The following RNF217 variants were observed in gnomAD, a reference collection of about 807,000 sequenced individuals.
The protein encoded by RNF217 is ring finger protein 217.
RNF217 carries 31 observed loss-of-function variants against 57.8 expected under a neutral mutation model. The observed-to-expected ratio is 0.54, with a 90% CI of 0.40 to 0.72. The LOEUF (loss-of-function observed/expected upper bound fraction) is 0.72, where lower values mean the gene tolerates loss of function less well. Among genes scored for constraint, RNF217 ranks in the 30% least tolerant of loss-of-function variants. The probability of loss-of-function intolerance (pLI) is 0.00; values close to 1 mark genes in which losing one functional copy is unlikely to be tolerated. For missense variants in RNF217, 696 were observed against 708.3 expected, an observed-to-expected ratio of 0.98 and a Z score of 0.20; for synonymous variants, 313 against 294.0, an observed-to-expected ratio of 1.06 and a Z score of -0.66.
chr6:124,979,507 C>T (rs6899594), intron 1 of RNF217, among the ~76,000 whole-genome samples: 49 of 152,200 alleles, frequency 3.2e-4, no homozygotes, highest in African/African-American at 1.1e-3. Context: ...ACCAGCGTGG[C>T]GCAGAGCACC....
chr6:124,974,827 A>C (rs932856646), intron 1 of RNF217, among the ~76,000 whole-genome samples: 1 of 152,156 alleles, frequency 6.6e-6, no homozygotes, highest in South Asian at 2.1e-4. Context: ...GGGTGATGTT[A>C]TCGTGTGATT....
rs142886733 is a variant in RNF217, at chr6:125,032,982, G to A, written c.883-12229G>A. On this transcript the variant is annotated intron_variant, in intron 1 of 5. Transcript: ENST00000521654. ...ATAACTCTTTCCAAATTACACGTGAGTGTGGTTTTATTGTACTTTTCCCTG... is the reference window on the plus strand; with the variant it reads ...ATAACTCTTTCCAAATTACACGTGAATGTGGTTTTATTGTACTTTTCCCTG... Among the ~76,000 whole-genome samples, 120 of 152,222 alleles carry A rather than the reference G, an allele frequency of 7.9e-4. No individual in the cohort carries two copies. In the East Asian group the frequency reaches 0.017, roughly 22 times the overall value.
At chr6:124,999,021 A>T (rs927110947) in intron 1 of RNF217, among the ~76,000 whole-genome samples, 29 of 152,212 alleles carry the variant, frequency 1.9e-4, no homozygotes, top group African/African-American at 6.8e-4. Context: ...ATACCTTTAC[A>T]TATAGTATAG....
chr6:125,033,198 T>C (rs79280246), intron 1 of RNF217, among the ~76,000 whole-genome samples: 2 of 143,342 alleles, frequency 1.4e-5, no homozygotes, highest in Admixed American at 1.4e-4. Context: ...TTCTGTGTTC[T>C]TTTTTTTTTT....
chr6:125,021,241 T>C (rs1407879156), intron 1 of RNF217, among the ~76,000 whole-genome samples: 1 of 151,336 alleles, frequency 6.6e-6, no homozygotes, highest in Non-Finnish European at 1.5e-5. Flanking sequence ...GAAACAATGA[T>C]TATAGACAGT....
At chr6:125,021,884 CT>C (rs1785855649) in intron 1 of RNF217, among the ~76,000 whole-genome samples, 1 of 151,908 alleles carries the variant, frequency 6.6e-6, no homozygotes, top group Admixed American at 6.6e-5. Context: ...TTTCCCATGC[CT>C]TCCCCCCTTT....
chr6:125,080,964 A>G lies in RNF217; in HGVS notation c.1484-472A>G, dbSNP rs534078974. 1.4e-3 allele frequency among the ~76,000 whole-genome samples: 210 copies of G among 152,226 alleles called. 3 individuals are homozygous for G. Among genetic ancestry groups the G allele is most frequent in the African/African-American group, 4.8e-3 (200 of 41,552 alleles). ...TTAGTTTTCTTTGGACCCAGGATGTAAATAAACCACTTCTTTAGATGTGGG... is the reference window on the plus strand; with the variant it reads ...TTAGTTTTCTTTGGACCCAGGATGTGAATAAACCACTTCTTTAGATGTGGG... On this transcript the variant is annotated intron_variant, in intron 4 of 5. Transcript: ENST00000521654.
chr6:125,050,630 G>A (rs2114556978), intron 2 of RNF217, among the ~76,000 whole-genome samples: 1 of 152,058 alleles, frequency 6.6e-6, no homozygotes, highest in East Asian at 1.9e-4. Context: ...TCCTGGTAAA[G>A]ATAACTTGAG....
At chr6:124,987,377 G>T (rs981915853) in intron 1 of RNF217, among the ~76,000 whole-genome samples, 1 of 151,906 alleles carries the variant, frequency 6.6e-6, no homozygotes. Context: ...ATCATTCCCT[G>T]CCCTCACCCC....
intron 1 of RNF217, among the ~76,000 whole-genome samples, chr6:124,963,949 T>C (rs2114968796): frequency 6.6e-6 from 1 of 152,366 alleles, no homozygotes; most frequent in African/African-American, 2.4e-5. Flanking sequence ...TCAGTTTCCT[T>C]TTTCCACAGT....
At chr6:125,076,536 A>T (rs1788378799) in intron 3 of RNF217, 121 bp from the exon 4 acceptor site, 3 of 653,736 alleles carry the variant, frequency 4.6e-6, no homozygotes, top group Non-Finnish European at 8.3e-6. Flanking sequence ...CAGCCTCAGG[A>T]GTGCTGTGAG....
At chr6:124,967,297 A>AT (rs1397188302) in intron 1 of RNF217, among the ~76,000 whole-genome samples, 2 of 152,082 alleles carry the variant, frequency 1.3e-5, no homozygotes, top group African/African-American at 2.4e-5. Context: ...CCTTTACCAC[A>AT]TTTTCCTAGG....
At position 124,962,595 on chromosome 6, in the gene RNF217, G is replaced by A. The variant is rs1205452203; in HGVS notation, c.51G>A (p.Ser17=). 15 of 1,293,278 alleles carry A rather than the reference G, an allele frequency of 1.2e-5. No homozygotes were observed. The highest frequency in any genetic ancestry group is 1.4e-5 in the Non-Finnish European group (14 of 1,026,784). The allele number at this position is 1,293,278 out of a possible 1,614,324, so 80.1% of individuals were successfully genotyped here. ...TVSGGGGPQE[S]QTLASGTAGH... ...GCGGCGGCGGCGGGCCCCAGGAGTC[G>A]CAGACCCTGGCCAGTGGCACTGCGG... Residue 17 remains serine, a synonymous_variant, in exon 1 of 6, where the codon TCG becomes TCA. Coordinates refer to ENST00000521654, the MANE Select transcript of RNF217 (RefSeq NM_001286398.3). The surrounding 1 kb of genome is among the most constrained non-coding windows in gnomAD (Gnocchi z 4.6).
chr6:124,973,855 T>C (rs1447190276), intron 1 of RNF217, among the ~76,000 whole-genome samples: 2 of 152,172 alleles, frequency 1.3e-5, no homozygotes, highest in Non-Finnish European at 2.9e-5. Flanking sequence ...GATGATGACA[T>C]TGTGGGTCAG....
chr6:125,050,414 C>A (rs897717319), intron 2 of RNF217, among the ~76,000 whole-genome samples: 2 of 151,924 alleles, frequency 1.3e-5, no homozygotes, highest in African/African-American at 4.8e-5. Flanking sequence ...ATAAAATTCC[C>A]TGGAGAAACT....
At chr6:125,035,043 A>AT (rs1786545197) in intron 1 of RNF217, among the ~76,000 whole-genome samples, 1 of 151,938 alleles carries the variant, frequency 6.6e-6, no homozygotes, top group Admixed American at 6.6e-5. Context: ...TTGTACATTG[A>AT]TTTTGTATCC....
intron 1 of RNF217, among the ~76,000 whole-genome samples, chr6:124,991,032 A>G (rs1330807631): frequency 6.6e-6 from 1 of 152,198 alleles, no homozygotes; most frequent in East Asian, 1.9e-4. Context: ...ACACCACTGC[A>G]AAGCCTGGGT....
At chr6:124,993,596 A>G (rs901109697) in intron 1 of RNF217, among the ~76,000 whole-genome samples, 1 of 152,146 alleles carries the variant, frequency 6.6e-6, no homozygotes, top group Non-Finnish European at 1.5e-5. Flanking sequence ...AAGTCAGGGA[A>G]TTGTAGCCTA....
intron 1 of RNF217, among the ~76,000 whole-genome samples, chr6:125,029,298 A>C (rs1786245378): frequency 6.6e-6 from 1 of 152,180 alleles, no homozygotes; most frequent in South Asian, 2.1e-4. Flanking sequence ...CAGCTTTTTA[A>C]AAACATATAT....
Sources: gnomAD v4.1 joint callset for allele counts (sites outside exome capture counted in the v4.1 genomes callset) on GRCh38, gnomAD v4.1.1 for gene constraint, Gnocchi (gnomAD v3.1) non-coding constraint, MANE v1.5 for transcripts, NCBI Gene and HGNC (gene_info 2026-07-23, HGNC 2026-07-21) for gene names.